The following ARAP2 variants were observed in gnomAD, a reference collection of about 807,000 sequenced individuals.
ARAP2 encodes ArfGAP with RhoGAP domain, ankyrin repeat and PH domain 2, also known as arf-GAP with Rho-GAP domain, ANK repeat and PH domain-containing protein 2.
A neutral mutation model predicts 194.5 loss-of-function variants in ARAP2; 148 were observed. The observed-to-expected ratio is 0.76, with a 90% CI of 0.67 to 0.87. ARAP2 has a LOEUF of 0.87. ARAP2 is among the 40% of genes least tolerant of loss of function. The probability of loss-of-function intolerance (pLI) is 0.00; values close to 1 mark genes in which losing one functional copy is unlikely to be tolerated. For missense variants in ARAP2, 2,128 were observed against 1,989.7 expected (o/e 1.07, Z -1.32); for synonymous variants, 695 against 683.5 (o/e 1.02, Z -0.26).
At chr4:36,171,434 A>G (rs1213550609) in intron 9 of ARAP2, among the ~76,000 whole-genome samples, 2 of 150,888 alleles carry the variant, frequency 1.3e-5, no homozygotes, top group African/African-American at 4.9e-5. Flanking sequence ...AAAACCAAAC[A>G]CCACATGTTC....
intron 15 of ARAP2, among the ~76,000 whole-genome samples, chr4:36,152,838 A>G (rs577785773): frequency 1.3e-5 from 2 of 152,320 alleles, no homozygotes; most frequent in South Asian, 4.1e-4. Context: ...CAAAAACCCT[A>G]TTTGCCCAGA....
intron 31 of ARAP2, among the ~76,000 whole-genome samples, chr4:36,079,476 G>A (rs1007325660): frequency 2.0e-5 from 3 of 152,074 alleles, no homozygotes; most frequent in Non-Finnish European, 2.9e-5. Context: ...CAACTTAATC[G>A]TTACCAGTGA....
intron 5 of ARAP2, among the ~76,000 whole-genome samples, chr4:36,029,942 T>C (rs147191601): frequency 1.8e-4 from 27 of 152,182 alleles, no homozygotes; most frequent in East Asian, 1.7e-3. Flanking sequence ...ACTTTTTAAT[T>C]CAGAACAGAT....
rs371126621 is a variant in ARAP2 at position 36,086,841 on chromosome 4, T to C, written c.4426-3391A>G. On this transcript the variant is annotated intron_variant, in intron 28 of 32. Transcript: ENST00000303965. ...CACCATTAACAGTATAATGGTAATATTCTCTGAAACCTCTCCCCTTTTATG... is the reference window on the plus strand; with the variant it reads ...CACCATTAACAGTATAATGGTAATACTCTCTGAAACCTCTCCCCTTTTATG... 2.3e-4 allele frequency among the ~76,000 whole-genome samples: 35 copies of C among 152,242 alleles called. 1 individual carries two copies. The South Asian group carries it at 6.8e-3, about 30-fold the overall frequency.
At chr4:36,147,874 C>G (rs1031070566) in intron 17 of ARAP2, 128 bp from the exon 18 acceptor site, 4 of 795,920 alleles carry the variant, frequency 5.0e-6, no homozygotes, top group Non-Finnish European at 7.8e-6. Flanking sequence ...AAGGTAACAC[C>G]AAATTCAAAA....
intron 2 of ARAP2, among the ~76,000 whole-genome samples, chr4:36,054,601 A>G (rs1183465148): frequency 2.0e-5 from 3 of 152,342 alleles, no homozygotes; most frequent in East Asian, 3.9e-4. Context: ...AATGATGTCT[A>G]TATAGAACAA....
chr4:36,020,126 TCAGA>T (rs1716652454), intron 5 of ARAP2, among the ~76,000 whole-genome samples: 1 of 152,076 alleles, frequency 6.6e-6, no homozygotes, highest in African/African-American at 2.4e-5. Flanking sequence ...ACCACGACAA[TCAGA>T]CAGGGTGCGG....
chr4:36,096,355 ACT>A (rs1715243259), intron 27 of ARAP2, among the ~76,000 whole-genome samples: 1 of 136,948 alleles, frequency 7.3e-6, no homozygotes. Context: ...GCAGAGTGAG[ACT>A]CTCTCAAAAA....
At chr4:36,162,073 AC>A (rs1394270093) in intron 11 of ARAP2, among the ~76,000 whole-genome samples, 2 of 149,270 alleles carry the variant, frequency 1.3e-5, no homozygotes, top group African/African-American at 2.5e-5. Flanking sequence ...TTGCCACTGC[AC>A]TCCAGCCTGG....
chr4:36,228,230 C>CT (rs1211911169), intron 2 of ARAP2, among the ~76,000 whole-genome samples: 1 of 152,118 alleles, frequency 6.6e-6, no homozygotes, highest in African/African-American at 2.4e-5. Context: ...AACAAATCAT[C>CT]TATTGGGGAG....
At chr4:36,065,655 C>T (rs999871041), downstream of ARAP2, 3 of 172,780 alleles carry the variant, frequency 1.7e-5, no homozygotes, top group African/African-American at 7.1e-5. Flanking sequence ...CCAAGTGGCA[C>T]TGCTGAGGTG....
At chr4:36,131,163 C>T (rs1320070013) in intron 20 of ARAP2, among the ~76,000 whole-genome samples, 1 of 151,548 alleles carries the variant, frequency 6.6e-6, no homozygotes, top group Admixed American at 6.6e-5. Flanking sequence ...TTCTAAGTTT[C>T]TGTCAAATCT....
In ARAP2 at chr4:36,081,023, T is replaced by G. The variant is rs572325753; in HGVS notation, c.4545-744A>C. On this transcript the variant is annotated intron_variant, in intron 30 of 32. Coordinates refer to ENST00000303965, the MANE Select transcript of ARAP2 (RefSeq NM_015230.4). Reference sequence around the variant, plus strand: ...AGATCTAATGGGCTTTTCAAAGTAATTGTATTCTTTACATTCCTGTATTAT... The same window carrying G: ...AGATCTAATGGGCTTTTCAAAGTAAGTGTATTCTTTACATTCCTGTATTAT... Among the ~76,000 whole-genome samples, 3 of 152,310 alleles carry G rather than the reference T, an allele frequency of 2.0e-5. No individual in the cohort carries two copies. The South Asian group carries it at 6.2e-4, about 32-fold the overall frequency.
intron 7 of ARAP2, among the ~76,000 whole-genome samples, chr4:36,187,784 C>T (rs886767545): frequency 3.3e-5 from 5 of 152,158 alleles, no homozygotes; most frequent in African/African-American, 9.7e-5. Flanking sequence ...GAGATCTTTT[C>T]AACTTTCTCT....
chr4:36,182,591 T>C (rs1739549731), intron 8 of ARAP2, among the ~76,000 whole-genome samples: 1 of 152,154 alleles, frequency 6.6e-6, no homozygotes, highest in Non-Finnish European at 1.5e-5. Flanking sequence ...TCGTATTAAA[T>C]AACTGCTCTG....
chr4:36,188,113 A>T (rs1029611341), intron 7 of ARAP2, among the ~76,000 whole-genome samples: 1 of 152,112 alleles, frequency 6.6e-6, no homozygotes, highest in African/African-American at 2.4e-5. Flanking sequence ...AATAAAGAAT[A>T]AAAAAAGACA....
chr4:36,209,140 G>A (rs1746201952), intron 6 of ARAP2, among the ~76,000 whole-genome samples: 1 of 152,146 alleles, frequency 6.6e-6, no homozygotes. Context: ...TTTTCTTCCA[G>A]TGATACTTTA....
At chr4:36,174,165 T>G (rs546781944) in intron 9 of ARAP2, among the ~76,000 whole-genome samples, 4 of 152,288 alleles carry the variant, frequency 2.6e-5, no homozygotes, top group African/African-American at 9.6e-5. Context: ...GATGAATGAA[T>G]CCAGAAACAT....
chr4:36,066,645 G>GA lies in ARAP2; in HGVS notation c.*1261dup, dbSNP rs1029692713. Reference sequence around the variant, plus strand: ...CAATCCAATTTTAAAGAAACTGATGGAAAAATGCTTCCCCTAACATGAACT... The same window carrying GA: ...CAATCCAATTTTAAAGAAACTGATGGAAAAAATGCTTCCCCTAACATGAACT... On this transcript the variant is annotated 3_prime_UTR_variant, in exon 33 of 33. Coordinates refer to ENST00000303965, the MANE Select transcript of ARAP2 (RefSeq NM_015230.4). 1.3e-5 allele frequency: 2 copies of GA among 152,008 alleles called. No individual in the cohort carries two copies. Among genetic ancestry groups the GA allele is most frequent in the Non-Finnish European group, 2.9e-5 (2 of 68,002 alleles). 9.4% of individuals were successfully genotyped at this position (152,008 alleles called of 1,614,324 possible). A position where few individuals can be genotyped will look rare whatever the true frequency, so the allele number is the denominator to read the frequency against.
Sources: gnomAD v4.1 joint callset for allele counts (sites outside exome capture counted in the v4.1 genomes callset) on GRCh38, gnomAD v4.1.1 for gene constraint, MANE v1.5 for transcripts, NCBI Gene and HGNC (gene_info 2026-07-23, HGNC 2026-07-21) for gene names.